Variants in NYAP2 observed in about 807,000 individuals in gnomAD.
NYAP2 encodes the protein neuronal tyrosine-phosphorylated phosphoinositide-3-kinase adapter 2.
In NYAP2, 23 loss-of-function variants were observed where a neutral mutation model predicts 50.4. The ratio of observed to expected loss-of-function variants is 0.46; its 90% CI spans 0.33 to 0.65. The LOEUF (loss-of-function observed/expected upper bound fraction) is 0.65. Ranked by LOEUF, NYAP2 falls within the 30% of genes least tolerant of loss-of-function variation. NYAP2 has a pLI of 0.02. For missense variants in NYAP2, 885 were observed against 861.0 expected, an observed-to-expected ratio of 1.03 and a Z score of -0.35; for synonymous variants, 394 against 365.2, an observed-to-expected ratio of 1.08 and a Z score of -0.90.
chr2:225,605,922 A>G (rs1165084435), intron 5 of NYAP2, among the ~76,000 whole-genome samples: 1 of 152,140 alleles, frequency 6.6e-6, no homozygotes, highest in Non-Finnish European at 1.5e-5. Context: ...ATAACCAAAA[A>G]TATGTTAAGT....
At chr2:225,420,684 C>T (rs559488231) in intron 3 of NYAP2, among the ~76,000 whole-genome samples, 1 of 151,590 alleles carries the variant, frequency 6.6e-6, no homozygotes, top group African/African-American at 2.4e-5. Context: ...GATCTCATCT[C>T]ACTGCAACCT....
At chr2:225,671,880 G>A in the NYAP2 span, among the ~76,000 whole-genome samples, 1 of 152,034 alleles carries the variant, frequency 6.6e-6, no homozygotes, top group African/African-American at 2.4e-5. Context: ...CATTGTCAAT[G>A]AACAGTAATA....
rs911391782 is a variant in NYAP2, at chr2:225,623,914, G to A, written c.1619-3003G>A. ...ATAAAATGCCTTCTTTTAGCAACCT[G>A]CTGGTTTATTTAAAAAATTGTTTTA... On this transcript the variant is annotated intron_variant, in intron 5 of 6. Transcript: ENST00000636099. Among the ~76,000 whole-genome samples the A allele has an allele frequency of 5.9e-5, 9 of 152,234 alleles. No individual in the cohort carries two copies. In the East Asian group the frequency reaches 1.7e-3, roughly 29 times the overall value.
At chr2:225,485,619 A>T (rs894498356) in intron 3 of NYAP2, among the ~76,000 whole-genome samples, 2 of 152,140 alleles carry the variant, frequency 1.3e-5, no homozygotes, top group Non-Finnish European at 2.9e-5. Context: ...GGTGTGTGTG[A>T]GTCCCTGTTG....
At chr2:225,703,446 A>C in the NYAP2 span, 1 of 151,752 alleles carries the variant, frequency 6.6e-6, no homozygotes, top group Non-Finnish European at 1.5e-5. Context: ...TAATAATATA[A>C]ACACTGATGT....
the NYAP2 span, among the ~76,000 whole-genome samples, chr2:225,670,316 C>G: frequency 1.3e-5 from 2 of 151,972 alleles, no homozygotes; most frequent in Non-Finnish European, 2.9e-5. Flanking sequence ...AAAGCAGAAC[C>G]CTGGAATGTT....
At chr2:225,644,161 T>C (rs1206150177) in intron 6 of NYAP2, among the ~76,000 whole-genome samples, 1 of 152,172 alleles carries the variant, frequency 6.6e-6, no homozygotes, top group Non-Finnish European at 1.5e-5. Flanking sequence ...TGGTATCTCA[T>C]TGTTTTGATT....
At chr2:225,569,776 C>T (rs1175518802) in intron 4 of NYAP2, among the ~76,000 whole-genome samples, 2 of 152,124 alleles carry the variant, frequency 1.3e-5, no homozygotes, top group Non-Finnish European at 2.9e-5. Context: ...CTCTCTGATT[C>T]CAGAGCACGT....
the NYAP2 span, among the ~76,000 whole-genome samples, chr2:225,691,099 CTATT>C: frequency 2.0e-5 from 3 of 151,962 alleles, no homozygotes; most frequent in African/African-American, 7.2e-5. Flanking sequence ...GTCTAGCATA[CTATT>C]TATTTGAGTT....
chr2:225,665,714 T>A, the NYAP2 span, among the ~76,000 whole-genome samples: 17 of 141,228 alleles, frequency 1.2e-4, no homozygotes, highest in Middle Eastern at 4.2e-3. Flanking sequence ...GAGGCTGAGG[T>A]AGGAGAATTG....
the NYAP2 span, among the ~76,000 whole-genome samples, chr2:225,666,433 A>C: frequency 2.0e-5 from 3 of 152,164 alleles, no homozygotes; most frequent in African/African-American, 7.2e-5. Flanking sequence ...GTCAGGGTGA[A>C]GCTTGCTTTT....
chr2:225,698,461 T>C, the NYAP2 span: 1 of 152,358 alleles, frequency 6.6e-6, no homozygotes, highest in Non-Finnish European at 1.5e-5. Flanking sequence ...CTTGCCCAGC[T>C]GGAAGAAGAA....
At chr2:225,438,796 C>G (rs908229689) in intron 3 of NYAP2, among the ~76,000 whole-genome samples, 9 of 152,136 alleles carry the variant, frequency 5.9e-5, no homozygotes. Flanking sequence ...CGTCATACAC[C>G]TAAACCAGAA....
chr2:225,454,949 T>C (rs1481647068), intron 3 of NYAP2, among the ~76,000 whole-genome samples: 4 of 152,040 alleles, frequency 2.6e-5, no homozygotes, highest in Non-Finnish European at 1.5e-5. Context: ...GTGATCTCAA[T>C]GTAGTCAAAA....
At chr2:225,586,726 C>T (rs1295754440) in intron 5 of NYAP2, among the ~76,000 whole-genome samples, 2 of 152,068 alleles carry the variant, frequency 1.3e-5, no homozygotes, top group Admixed American at 6.5e-5. Flanking sequence ...TGGGCCATTT[C>T]ATTTTAATAA....
chr2:225,415,569 G>T (rs1358651647), intron 3 of NYAP2, among the ~76,000 whole-genome samples: 1 of 152,108 alleles, frequency 6.6e-6, no homozygotes, highest in Admixed American at 6.6e-5. Flanking sequence ...TGTGGAAATA[G>T]CATCTACTGA....
intron 6 of NYAP2, among the ~76,000 whole-genome samples, chr2:225,634,818 C>G (rs1163436549): frequency 1.3e-5 from 2 of 152,068 alleles, no homozygotes; most frequent in African/African-American, 4.8e-5. Context: ...TTGAAGAGAT[C>G]ACAAAGACCT....
chr2:225,634,739 T>C (rs763356098), intron 6 of NYAP2, among the ~76,000 whole-genome samples: 2 of 152,182 alleles, frequency 1.3e-5, no homozygotes, highest in African/African-American at 2.4e-5. Context: ...CATGACACTT[T>C]ACACACCCAA....
At chr2:225,500,083 T>C (rs781125910) in intron 3 of NYAP2, among the ~76,000 whole-genome samples, 25 of 151,984 alleles carry the variant, frequency 1.6e-4, no homozygotes, top group Non-Finnish European at 8.8e-5. Context: ...GAGGAAAAAA[T>C]ATAGTTAATG....
Sources: allele counts gnomAD v4.1 joint callset (sites outside exome capture counted in the v4.1 genomes callset), GRCh38; gene constraint gnomAD v4.1.1; transcripts MANE v1.5; gene names NCBI Gene and HGNC (gene_info 2026-07-23, HGNC 2026-07-21).